The following PKHD1 variants were observed in gnomAD, a reference collection of about 807,000 sequenced individuals.
PKHD1 encodes PKHD1 ciliary IPT domain containing fibrocystin/polyductin.
Under a neutral mutation model 412.0 loss-of-function variants are expected in PKHD1, and 291 were observed. The ratio of observed to expected loss-of-function variants is 0.71; its 90% CI spans 0.64 to 0.78. The LOEUF is 0.78. Ranked by LOEUF, PKHD1 falls within the 30% of genes least tolerant of loss-of-function variation. The probability of loss-of-function intolerance (pLI) is 0.00; values close to 1 mark genes in which losing one functional copy is unlikely to be tolerated. For synonymous variants in PKHD1, 1,777 were observed against 1,821.5 expected, an observed-to-expected ratio of 0.98 and a Z score of 0.62; for missense variants, 4,825 against 4,950.7, an observed-to-expected ratio of 0.97 and a Z score of 0.76.
chr6:51,616,565 C>T lies in PKHD1; in HGVS notation c.*2516G>A, dbSNP rs1339549735. On this transcript the variant is annotated 3_prime_UTR_variant, in exon 67 of 67. Coordinates refer to ENST00000371117, the MANE Select transcript of PKHD1 (RefSeq NM_138694.4). ...TTTAGGAGAAAGAGGAGTAGCTTAA[C>T]TATGGGTTGAGGAATTTTAGCTAGA... 5.4e-6 allele frequency: 2 copies of T among 373,426 alleles called. No individual in the cohort carries two copies. Among genetic ancestry groups the T allele is most frequent in the Non-Finnish European group, 9.5e-6 (2 of 211,446 alleles). The allele number at this position is 373,426 out of a possible 1,614,324, so 23.1% of individuals were successfully genotyped here.
At chr6:52,078,251 CAGGCCCCTGGTCACCCACCA>C (rs1302585971) in intron 5 of PKHD1, among the ~76,000 whole-genome samples, 4 of 152,112 alleles carry the variant, frequency 2.6e-5, no homozygotes, top group African/African-American at 9.7e-5. Flanking sequence ...CTAAGAGAAA[CAGGCCCCTGGTCACCCACCA>C]GGCTAGAGAC....
chr6:52,035,056 A>G (rs1803722519), intron 28 of PKHD1, among the ~76,000 whole-genome samples: 1 of 152,194 alleles, frequency 6.6e-6, no homozygotes, highest in African/African-American at 2.4e-5. Flanking sequence ...ATAGGCCATG[A>G]TATAGCACTA....
chr6:51,667,343 C>A (rs1398206753), intron 60 of PKHD1, among the ~76,000 whole-genome samples: 734 of 128,486 alleles, frequency 5.7e-3, no homozygotes, highest in South Asian at 0.01. Flanking sequence ...TAAATGTCTT[C>A]TTTTGAGAAG....
intron 37 of PKHD1, among the ~76,000 whole-genome samples, chr6:51,917,977 CTGTA>C (rs937233193): frequency 1.3e-5 from 2 of 152,062 alleles, no homozygotes; most frequent in African/African-American, 4.8e-5. Flanking sequence ...AATGGACTTA[CTGTA>C]TGTTGGGGAA....
chr6:51,855,990 T>C lies in PKHD1; in HGVS notation c.7814A>G (p.Asp2605Gly). 1 of 1,609,576 alleles carries C rather than the reference T, an allele frequency of 6.2e-7. No individual in the cohort carries two copies. Among genetic ancestry groups the C allele is most frequent in the Non-Finnish European group, 8.5e-7 (1 of 1,175,890 alleles). Residue 2605 changes from aspartate to glycine, a missense_variant, in exon 49 of 67, where the codon GAT (aspartate) becomes GGT (glycine). Coordinates refer to ENST00000371117, the MANE Select transcript of PKHD1 (RefSeq NM_138694.4). ...CCAGCCACGAGGGTTAGACAATGTA[T>C]CACGTACATAATTGACAGTGGTTGT... is the stretch of plus-strand genomic sequence containing the variant. ...NKTTTVNYVR[D>G]TLSNPRGWMA... is the part of the protein sequence containing the mutation.
intron 1 of PKHD1, among the ~76,000 whole-genome samples, chr6:52,085,720 A>T: frequency 6.6e-6 from 1 of 152,224 alleles, no homozygotes; most frequent in South Asian, 2.1e-4. Flanking sequence ...CCAGTCTTCT[A>T]TTTCCACAGC....
chr6:51,744,506 G>C lies in PKHD1; in HGVS notation c.10035C>G (p.Asp3345Glu), dbSNP rs780266897. The C allele has an allele frequency of 6.2e-7, 1 of 1,613,178 alleles. No individual in the cohort carries two copies. The part of the protein sequence containing the change: ...DLGKVVCPEL[D>E]CASPRKYLFK... ...AGAGATATTTTCTTGGACTTGCACA[G>C]TCTAATTCAGGACAGACTACTTTTC... The change falls in exon 60 of 67, where the codon GAC becomes GAG. Residue 3345 changes from aspartate (D) to glutamate (E), a missense_variant. Physicochemically the swap from Asp to Glu is conservative, Grantham distance 45 (BLOSUM62 2). Transcript: ENST00000371117.
At chr6:51,908,006 T>C (rs763654121) in intron 40 of PKHD1, among the ~76,000 whole-genome samples, 10 of 152,124 alleles carry the variant, frequency 6.6e-5, no homozygotes, top group African/African-American at 9.7e-5. Context: ...TTTGATTATG[T>C]TCAATTGATA....
At chr6:52,042,267 T>C (rs948458522) in intron 27 of PKHD1, among the ~76,000 whole-genome samples, 3 of 152,240 alleles carry the variant, frequency 2.0e-5, no homozygotes, top group Admixed American at 6.5e-5. Context: ...CTTTTAAATA[T>C]GTTCTAAGCT....
intron 31 of PKHD1, among the ~76,000 whole-genome samples, chr6:52,027,260 G>C (rs184320713): frequency 6.7e-6 from 1 of 149,230 alleles, no homozygotes; most frequent in African/African-American, 2.5e-5. Context: ...GGCTGGGCAC[G>C]GTGGCTCATG....
intron 20 of PKHD1, 86 bp from the exon 21 acceptor site, chr6:52,053,337 G>T: frequency 7.3e-7 from 1 of 1,374,508 alleles, no homozygotes; most frequent in Non-Finnish European, 1.0e-6. Flanking sequence ...AACCTGGGGG[G>T]CCTGTGAGCT....
chr6:51,872,875 C>CTTT (rs33953182), intron 46 of PKHD1, among the ~76,000 whole-genome samples: 57 of 81,490 alleles, frequency 7.0e-4, no homozygotes, highest in African/African-American at 2.6e-3. Context: ...CCATCGTTTC[C>CTTT]TTTTTTTTTT....
chr6:51,775,008 CAT>C (rs1307500742), intron 54 of PKHD1, among the ~76,000 whole-genome samples: 3 of 150,736 alleles, frequency 2.0e-5, no homozygotes, highest in Non-Finnish European at 4.4e-5. Flanking sequence ...AATATGATAA[CAT>C]ATTTATTATT....
intron 48 of PKHD1, among the ~76,000 whole-genome samples, chr6:51,864,439 G>A (rs1344491008): frequency 1.3e-5 from 2 of 152,128 alleles, no homozygotes; most frequent in Non-Finnish European, 2.9e-5. Context: ...GACTGGAGAA[G>A]GATTTGGGGA....
chr6:51,674,234 T>C (rs1460352858), intron 60 of PKHD1, among the ~76,000 whole-genome samples: 2 of 152,162 alleles, frequency 1.3e-5, no homozygotes, highest in Admixed American at 6.5e-5. Flanking sequence ...TATCACATAA[T>C]GGTTGCTTAG....
intron 28 of PKHD1, among the ~76,000 whole-genome samples, chr6:52,034,074 A>G (rs886608726): frequency 5.3e-5 from 8 of 151,964 alleles, no homozygotes; most frequent in Non-Finnish European, 1.0e-4. Flanking sequence ...GGTTGCAGTG[A>G]GCCGTGATTG....
At chr6:51,838,997 C>T (rs1228252969) in intron 50 of PKHD1, among the ~76,000 whole-genome samples, 1 of 152,124 alleles carries the variant, frequency 6.6e-6, no homozygotes, top group African/African-American at 2.4e-5. Flanking sequence ...TTCATGATTC[C>T]AGGTGCCAGT....
At chr6:51,791,183 T>A in intron 53 of PKHD1, 53 bp downstream of exon 53, 2 of 1,577,806 alleles carry the variant, frequency 1.3e-6, no homozygotes, top group African/African-American at 1.3e-5. Context: ...CCAGAGCCCC[T>A]TCTCACAGAA....
chr6:51,789,909 T>C (rs940050343), intron 53 of PKHD1, among the ~76,000 whole-genome samples: 5 of 152,194 alleles, frequency 3.3e-5, no homozygotes, highest in Non-Finnish European at 7.4e-5. Context: ...TAGAGGAAGA[T>C]AGATTTTAGC....
Sources: allele counts gnomAD v4.1 joint callset (sites outside exome capture counted in the v4.1 genomes callset), GRCh38; gene constraint gnomAD v4.1.1; transcripts MANE v1.5; gene names NCBI Gene and HGNC (gene_info 2026-07-23, HGNC 2026-07-21).